The following SNX31 variants were observed in gnomAD, a reference collection of about 807,000 sequenced individuals.
SNX31 encodes the protein sorting nexin 31.
SNX31 carries 58 observed loss-of-function variants against 65.4 expected under a neutral mutation model. That is an observed-to-expected ratio of 0.89 (90% CI 0.72 to 1.10). The LOEUF is 1.10. Among genes scored for constraint, SNX31 ranks in the 50% least tolerant of loss-of-function variants. The pLI, the probability that SNX31 is intolerant of heterozygous loss-of-function variation, is 0.00. For missense variants in SNX31, 523 were observed against 529.7 expected (o/e 0.99, Z 0.12); for synonymous variants, 181 against 190.1 (o/e 0.95, Z 0.39).
chr8:100,646,668 T>C (rs1192620925), intron 2 of SNX31, among the ~76,000 whole-genome samples: 1 of 151,698 alleles, frequency 6.6e-6, no homozygotes, highest in Non-Finnish European at 1.5e-5. Context: ...AAGGGGACTT[T>C]TAGAGTGAGG....
chr8:100,649,136 G>T, intron 2 of SNX31, 138 bp downstream of exon 2: 1 of 748,702 alleles, frequency 1.3e-6, no homozygotes. Context: ...TCCTTACCAG[G>T]ACCCTGTTTC....
intron 3 of SNX31, among the ~76,000 whole-genome samples, chr8:100,634,701 G>T (rs959001735): frequency 6.6e-6 from 1 of 151,034 alleles, no homozygotes; most frequent in Admixed American, 6.6e-5. Context: ...GTGAGCCAAG[G>T]TCACACCACT....
At chr8:100,616,244 T>C (rs1025862231) in intron 5 of SNX31, among the ~76,000 whole-genome samples, 11 of 152,140 alleles carry the variant, frequency 7.2e-5, no homozygotes, top group Non-Finnish European at 1.0e-4. Flanking sequence ...GACCCCAAAC[T>C]ATCACCACCA....
intron 10 of SNX31, 110 bp from the exon 11 acceptor site, chr8:100,589,089 T>G (rs1220549047): frequency 4.2e-6 from 3 of 717,550 alleles, no homozygotes; most frequent in Non-Finnish European, 6.9e-6. Context: ...TCGCCTGAGG[T>G]CAGGAGTTCG....
At chr8:100,641,566 ATATAT>A (rs1157241748) in intron 2 of SNX31, among the ~76,000 whole-genome samples, 8 of 19,046 alleles carry the variant, frequency 4.2e-4, no homozygotes, top group African/African-American at 1.7e-3. Context: ...AAAAAAAAAA[ATATAT>A]ATATATATAT....
chr8:100,591,137 G>A (rs1211861591), intron 10 of SNX31, among the ~76,000 whole-genome samples: 1 of 152,144 alleles, frequency 6.6e-6, no homozygotes, highest in East Asian at 1.9e-4. Flanking sequence ...CGCGTGTATA[G>A]AGTAAACCTA....
At chr8:100,635,629 G>A (rs567636662) in intron 3 of SNX31, among the ~76,000 whole-genome samples, 12 of 151,376 alleles carry the variant, frequency 7.9e-5, no homozygotes, top group South Asian at 4.2e-4. Context: ...TATATGAAAC[G>A]TCCAGAATAG....
chr8:100,600,064 A>G (rs895280031), intron 9 of SNX31, among the ~76,000 whole-genome samples: 7 of 152,240 alleles, frequency 4.6e-5, no homozygotes, highest in Non-Finnish European at 8.8e-5. Context: ...TAATATAACC[A>G]TAAAATGGAA....
At chr8:100,611,678 C>T (rs1186678972) in intron 7 of SNX31, among the ~76,000 whole-genome samples, 1 of 152,182 alleles carries the variant, frequency 6.6e-6, no homozygotes, top group Admixed American at 6.5e-5. Flanking sequence ...GCCTCAGCCT[C>T]CTGAATAGCT....
chr8:100,581,329 C>A (rs3015841), intron 12 of SNX31, among the ~76,000 whole-genome samples: 15,615 of 77,902 alleles, frequency 0.2, 1,357 homozygotes, highest in African/African-American at 0.3. Flanking sequence ...CTATATCTAT[C>A]TATCTATCTA....
chr8:100,632,874 GGT>G (rs1478051315), intron 3 of SNX31, among the ~76,000 whole-genome samples: 5 of 152,024 alleles, frequency 3.3e-5, no homozygotes, highest in African/African-American at 1.2e-4. Context: ...TGGGATTACA[GGT>G]GTGAGCCACC....
intron 12 of SNX31, among the ~76,000 whole-genome samples, chr8:100,583,852 G>T (rs182080164): frequency 6.6e-6 from 1 of 152,164 alleles, no homozygotes; most frequent in Non-Finnish European, 1.5e-5. Flanking sequence ...ATACAAAGTC[G>T]AGGGTTAGAA....
intron 8 of SNX31, among the ~76,000 whole-genome samples, chr8:100,602,284 G>A (rs111559107): frequency 2.3e-4 from 35 of 152,242 alleles, no homozygotes; most frequent in African/African-American, 7.5e-4. Context: ...AGCTAAATAC[G>A]CCTTAAATAT....
rs200403221 is a variant in SNX31 at position 100,608,515 on chromosome 8, C to T, written c.660G>A (p.Ala220=). ...TCACCTGCATGTAGAGCAAATCTAC[C>T]GCCACCCTGCAGTCCATCAGCACGG... ...LDSVLMDCRV[A]VDLLYMQAIQ... The change falls in exon 8 of 14, where the codon GCG becomes GCA. Residue 220 remains alanine (A), a synonymous_variant. Coordinates refer to ENST00000311812, the MANE Select transcript of SNX31 (RefSeq NM_152628.4). The T allele has an allele frequency of 4.8e-5, 78 of 1,613,940 alleles. No individual in the cohort carries two copies. In the Admixed American group the frequency reaches 7.2e-4, roughly 15 times the overall value.
At chr8:100,659,326 C>G (rs1052878339) in intron 1 of SNX31, among the ~76,000 whole-genome samples, 1 of 140,858 alleles carries the variant, frequency 7.1e-6, no homozygotes, top group South Asian at 2.2e-4. Flanking sequence ...GCCTCTCCAG[C>G]CTGGGCGACA....
rs1296132722 is a variant in SNX31 at position 100,630,105 on chromosome 8, C to T, written c.321+222G>A. Among the ~76,000 whole-genome samples, 1 of 152,152 alleles carries T rather than the reference C, an allele frequency of 6.6e-6. No homozygotes were observed. The highest frequency in any genetic ancestry group is 1.9e-4 in the East Asian group (1 of 5,198). On this transcript the variant is annotated intron_variant, in intron 4 of 13. Transcript: ENST00000311812. The surrounding 1 kb of genome is among the most constrained non-coding windows in gnomAD (Gnocchi z 5.3). ...AAAGGGATCTACTTAATAAAATGAG[C>T]CAAAGGTCAAGTGACACACTTCATT...
chr8:100,631,924 G>A lies in SNX31; in HGVS notation c.257-1533C>T, dbSNP rs117194566. Among the ~76,000 whole-genome samples the A allele has an allele frequency of 7.9e-4, 120 of 152,276 alleles. 1 individual carries two copies. Among genetic ancestry groups the A allele is most frequent in the East Asian group, 3.1e-3 (16 of 5,190 alleles). ...TATTCACCCAACTGGTATTTACTGC[G>A]TGACTATTAAGTACCAGTATTAGGC... On this transcript the variant is annotated intron_variant, in intron 3 of 13. Coordinates refer to ENST00000311812, the MANE Select transcript of SNX31 (RefSeq NM_152628.4).
At chr8:100,586,635 C>T (rs1814076258) in intron 11 of SNX31, among the ~76,000 whole-genome samples, 1 of 152,162 alleles carries the variant, frequency 6.6e-6, no homozygotes, top group Admixed American at 6.5e-5. Context: ...CTACTATTTC[C>T]CCAAAGATGT....
In SNX31 at chr8:100,629,280, G is replaced by C. The variant is rs917315369; in HGVS notation, c.321+1047C>G. Among the ~76,000 whole-genome samples, 1 of 152,140 alleles carries C rather than the reference G, an allele frequency of 6.6e-6. No homozygotes were observed. Among genetic ancestry groups the C allele is most frequent in the Non-Finnish European group, 1.5e-5 (1 of 68,020 alleles). On this transcript the variant is annotated intron_variant, in intron 4 of 13. Coordinates refer to ENST00000311812, the MANE Select transcript of SNX31 (RefSeq NM_152628.4). This position sits in a 1 kb window ranked among gnomAD's most constrained non-coding sequence, Gnocchi z 5.1. ...CACAACAGTTGTCACTGAGGAGGGG[G>C]ATCATAAGGGAAGAAAAGTTACTTT...
Sources: gnomAD v4.1 joint callset for allele counts (sites outside exome capture counted in the v4.1 genomes callset) on GRCh38, gnomAD v4.1.1 for gene constraint, Gnocchi (gnomAD v3.1) non-coding constraint, MANE v1.5 for transcripts, NCBI Gene and HGNC (gene_info 2026-07-23, HGNC 2026-07-21) for gene names.